The following RYR2 variants were observed in gnomAD, a reference collection of about 807,000 sequenced individuals.
RYR2 encodes the protein ryanodine receptor 2.
RYR2 carries 227 observed loss-of-function variants against 601.1 expected under a neutral mutation model. The ratio of observed to expected loss-of-function variants is 0.38; its 90% CI spans 0.34 to 0.42. The LOEUF is 0.42. Among genes scored for constraint, RYR2 ranks in the 10% least tolerant of loss-of-function variants. The probability of loss-of-function intolerance (pLI) is 1.00; values close to 1 mark genes in which losing one functional copy is unlikely to be tolerated. For synonymous variants in RYR2, 2,223 were observed against 2,175.1 expected (o/e 1.02, Z -0.61); for missense variants, 4,646 against 6,156.5 (o/e 0.75, Z 8.21).
chr1:237,253,197 A>G (rs1478509873), intron 1 of RYR2, among the ~76,000 whole-genome samples: 1 of 148,650 alleles, frequency 6.7e-6, no homozygotes, highest in Non-Finnish European at 1.5e-5. Flanking sequence ...ACAAAAAGTG[A>G]AATAGTAAGT....
intron 87 of RYR2, among the ~76,000 whole-genome samples, chr1:237,778,107 C>T (rs887043472): frequency 7.2e-5 from 11 of 152,162 alleles, no homozygotes; most frequent in African/African-American, 2.4e-4. Context: ...GCCTTGGATT[C>T]TGGATTCGTG....
intron 88 of RYR2, 122 bp downstream of exon 88, chr1:237,778,892 CTT>C (rs1448816871): frequency 1.9e-6 from 1 of 522,528 alleles, no homozygotes; most frequent in African/African-American, 1.9e-5. Flanking sequence ...TATCACTTGT[CTT>C]TTTAAGATCA....
At chr1:237,054,946 G>GC (rs1467227335) in intron 1 of RYR2, among the ~76,000 whole-genome samples, 2 of 151,852 alleles carry the variant, frequency 1.3e-5, no homozygotes, top group African/African-American at 4.9e-5. Context: ...ATGTTCAGGA[G>GC]CCTCCTACTC....
At chr1:237,577,472 T>C (rs1429117553) in intron 29 of RYR2, among the ~76,000 whole-genome samples, 1 of 151,662 alleles carries the variant, frequency 6.6e-6, no homozygotes, top group Non-Finnish European at 1.5e-5. Flanking sequence ...CAAGGATCCT[T>C]ATAAGAAGGA....
chr1:237,243,929 A>G (rs1686489841), intron 1 of RYR2, among the ~76,000 whole-genome samples: 1 of 152,210 alleles, frequency 6.6e-6, no homozygotes, highest in African/African-American at 2.4e-5. Flanking sequence ...CAGCTGTGAG[A>G]TAGGCAGAGA....
intron 2 of RYR2, among the ~76,000 whole-genome samples, chr1:237,271,554 C>A (rs1480089104): frequency 2.0e-5 from 3 of 152,070 alleles, no homozygotes; most frequent in Non-Finnish European, 4.4e-5. Flanking sequence ...TTGAGACAGA[C>A]CTACCTTGTT....
chr1:237,681,434 G>A (rs898892679), intron 62 of RYR2, among the ~76,000 whole-genome samples: 18 of 152,100 alleles, frequency 1.2e-4, no homozygotes, highest in African/African-American at 4.1e-4. Context: ...CCTGCACTAC[G>A]TAACACTGGG....
At chr1:237,344,283 T>G (rs1050284357) in intron 3 of RYR2, among the ~76,000 whole-genome samples, 1 of 152,226 alleles carries the variant, frequency 6.6e-6, no homozygotes, top group African/African-American at 2.4e-5. Context: ...TTAACTTGTC[T>G]GTAACTATTG....
At chr1:237,542,058 C>CCTTA in intron 25 of RYR2, among the ~76,000 whole-genome samples, 1 of 148,414 alleles carries the variant, frequency 6.7e-6, no homozygotes, top group African/African-American at 2.5e-5. Context: ...ACATTTTTGT[C>CCTTA]TTTATTTATT....
chr1:237,654,250 T>G lies in RYR2; in HGVS notation c.7825-24T>G. Reference sequence around the variant, plus strand: ...ATAAAAGGTTTTGATAGCTCATTGCTTTTATAATTGTTTTCCCACATAGCT... The same window carrying G: ...ATAAAAGGTTTTGATAGCTCATTGCGTTTATAATTGTTTTCCCACATAGCT... On this transcript the variant is annotated intron_variant, in intron 51 of 104. Coordinates refer to ENST00000366574, the MANE Select transcript of RYR2 (RefSeq NM_001035.3). 3 of 1,610,994 alleles carry G rather than the reference T, an allele frequency of 1.9e-6. No individual in the cohort carries two copies. In the South Asian group the frequency reaches 3.3e-5, roughly 18 times the overall value.
chr1:237,573,379 A>G (rs1031886006), intron 29 of RYR2, among the ~76,000 whole-genome samples: 3 of 151,834 alleles, frequency 2.0e-5, no homozygotes, highest in African/African-American at 7.3e-5. Context: ...TCTATTGCAT[A>G]GTTTATACAA....
intron 1 of RYR2, among the ~76,000 whole-genome samples, chr1:237,216,967 T>G (rs61832415): frequency 0.31 from 47,548 of 152,108 alleles, 8,974 homozygotes; most frequent in East Asian, 0.42. Flanking sequence ...TCACTCCAGC[T>G]CCTCCAGGGT....
intron 1 of RYR2, among the ~76,000 whole-genome samples, chr1:237,093,934 G>A (rs1667238018): frequency 2.0e-5 from 3 of 152,264 alleles, no homozygotes; most frequent in Middle Eastern, 6.8e-3. Context: ...GCAGAGAGTC[G>A]AGGGGAAGCA....
intron 39 of RYR2, 22 bp from the exon 40 acceptor site, chr1:237,625,639 C>A: frequency 6.2e-7 from 1 of 1,600,598 alleles, no homozygotes. Flanking sequence ...TTTTTTTCTG[C>A]CTCTCTGTTT....
At chr1:237,508,579 T>C (rs1272596726) in intron 23 of RYR2, among the ~76,000 whole-genome samples, 1 of 151,924 alleles carries the variant, frequency 6.6e-6, no homozygotes, top group Non-Finnish European at 1.5e-5. Context: ...TTCACCTAAG[T>C]GGTTATGTTT....
chr1:237,610,429 C>T lies in RYR2; in HGVS notation c.4684-333C>T, dbSNP rs920747415. Among the ~76,000 whole-genome samples, 2 of 152,154 alleles carry T rather than the reference C, an allele frequency of 1.3e-5. No homozygotes were observed. The highest frequency in any genetic ancestry group is 4.8e-5 in the African/African-American group (2 of 41,426). ...CTGAAAGTCCCTAAAGACTTGCCAG[C>T]TTTCCCGGAGGTCCCAGCCTGGTAA... On this transcript the variant is annotated intron_variant, in intron 35 of 104. Transcript: ENST00000366574. This position sits in a 1 kb window ranked among gnomAD's most constrained non-coding sequence, Gnocchi z 4.9.
chr1:237,764,778 C>T (rs779971373), intron 84 of RYR2, among the ~76,000 whole-genome samples: 5 of 152,028 alleles, frequency 3.3e-5, no homozygotes, highest in African/African-American at 7.2e-5. Flanking sequence ...TGTCCCTTTC[C>T]GGGACACAAA....
intron 29 of RYR2, among the ~76,000 whole-genome samples, chr1:237,588,932 C>T (rs560344075): frequency 7.2e-5 from 11 of 152,134 alleles, no homozygotes; most frequent in Non-Finnish European, 1.5e-4. Flanking sequence ...AATACCATCT[C>T]ATTGTCTTGC....
At chr1:237,705,381 G>A in intron 67 of RYR2, 38 bp downstream of exon 67, 2 of 1,543,342 alleles carry the variant, frequency 1.3e-6, no homozygotes, top group East Asian at 2.3e-5. Context: ...GAGATATGAA[G>A]CTAAAACTTG....
Sources: gnomAD v4.1 joint callset for allele counts (sites outside exome capture counted in the v4.1 genomes callset) on GRCh38, gnomAD v4.1.1 for gene constraint, Gnocchi (gnomAD v3.1) non-coding constraint, MANE v1.5 for transcripts, NCBI Gene and HGNC (gene_info 2026-07-23, HGNC 2026-07-21) for gene names.